LAYN: variants seen among roughly 807,000 people sequenced by gnomAD.
LAYN encodes the protein layilin.
Under a neutral mutation model 43.6 loss-of-function variants are expected in LAYN, and 38 were observed. That is an observed-to-expected ratio of 0.87 (90% CI 0.67 to 1.14). LAYN has a LOEUF of 1.14. LAYN is among the 50% of genes most tolerant of loss of function. The pLI, the probability that LAYN is intolerant of heterozygous loss-of-function variation, is 0.00. For synonymous variants in LAYN, 168 were observed against 172.9 expected, an observed-to-expected ratio of 0.97 and a Z score of 0.22; for missense variants, 479 against 463.8, an observed-to-expected ratio of 1.03 and a Z score of -0.30.
In LAYN at chr11:111,549,777, T is replaced by C; in HGVS notation, c.541+2T>C. The C allele has an allele frequency of 6.2e-7, 1 of 1,600,372 alleles. No individual in the cohort carries two copies. Among genetic ancestry groups the C allele is most frequent in the Non-Finnish European group, 8.5e-7 (1 of 1,174,742 alleles). On this transcript the variant is annotated splice_donor_variant, in intron 3 of 6. Coordinates refer to ENST00000375614, the MANE Select transcript of LAYN (RefSeq NM_178834.5). LOFTEE classifies it high-confidence loss of function. Reference sequence around the variant, plus strand: ...ATTTCATTTGCAAATATTCTGATGGTAATGAATCCTCTCCCAAGCTATGCG... The same window carrying C: ...ATTTCATTTGCAAATATTCTGATGGCAATGAATCCTCTCCCAAGCTATGCG...
At chr11:111,550,814 C>G (rs977888991) in intron 3 of LAYN, among the ~76,000 whole-genome samples, 1 of 152,142 alleles carries the variant, frequency 6.6e-6, no homozygotes, top group African/African-American at 2.4e-5. Flanking sequence ...TAATTATATT[C>G]TATTATTAAT....
At chr11:111,540,999 C>T (rs1276618441) in intron 1 of LAYN, 71 bp downstream of exon 1, 5 of 1,411,968 alleles carry the variant, frequency 3.5e-6, no homozygotes, top group Non-Finnish European at 3.8e-6. Flanking sequence ...TGCTGACCCT[C>T]TTCTGGGTCG....
rs1867581494 is a variant in LAYN at position 111,543,298 on chromosome 11, TA to T, written c.86-622del. On this transcript the variant is annotated intron_variant, in intron 1 of 6. Coordinates refer to ENST00000375614, the MANE Select transcript of LAYN (RefSeq NM_178834.5). ...GGTTACATGAGATAAAGTATGTAAG[TA>T]AATGTTAAGCCCTTACCATAGTTTA... 2.0e-5 allele frequency among the ~76,000 whole-genome samples: 3 copies of T among 152,328 alleles called. No homozygotes were observed. The East Asian group carries it at 5.8e-4, about 29-fold the overall frequency.
At chr11:111,544,484 C>G (rs1317358429) in intron 2 of LAYN, among the ~76,000 whole-genome samples, 1 of 152,204 alleles carries the variant, frequency 6.6e-6, no homozygotes, top group Non-Finnish European at 1.5e-5. Context: ...TGCTTGAAGC[C>G]AGTTGTTCTG....
chr11:111,558,605 T>G (rs1391169466), intron 6 of LAYN, among the ~76,000 whole-genome samples: 1 of 152,072 alleles, frequency 6.6e-6, no homozygotes, highest in Non-Finnish European at 1.5e-5. Context: ...GGTTCTTGAT[T>G]TCCTTTCCTG....
intron 3 of LAYN, among the ~76,000 whole-genome samples, chr11:111,553,817 C>A (rs1030763819): frequency 6.6e-6 from 1 of 151,268 alleles, no homozygotes; most frequent in Non-Finnish European, 1.5e-5. Flanking sequence ...GGCTTGACAT[C>A]CTGGCCTTAA....
At chr11:111,557,720 A>G (rs1202720131) in intron 6 of LAYN, 77 bp downstream of exon 6, 3 of 1,183,932 alleles carry the variant, frequency 2.5e-6, no homozygotes, top group African/African-American at 3.0e-5. Flanking sequence ...TGTTTACTTC[A>G]TTAAAACCCA....
At position 111,546,853 on chromosome 11, in the gene LAYN, G is replaced by C. The variant is rs545041750; in HGVS notation, c.383+2633G>C. The stretch of plus-strand genomic sequence containing the variant: ...GGTGACTAATTTTCAGCTACAGATG[G>C]TATGGCCTTGCTTCAAAATCCTATG... On this transcript the variant is annotated intron_variant, in intron 2 of 6. Transcript: ENST00000375614. 2.6e-5 allele frequency among the ~76,000 whole-genome samples: 4 copies of C among 152,286 alleles called. No individual in the cohort carries two copies. The East Asian group carries it at 7.7e-4, about 29-fold the overall frequency.
chr11:111,557,622 G>A lies in LAYN; in HGVS notation c.740G>A (p.Trp247Ter). Reference protein sequence around the residue: ...LLLVVTTVVCWVWICRKRKRE... With the variant: ...LLLVVTTVVC ...CTTGTGGTCACCACAGTTGTATGTT[G>A]GGTTTGGATCTGTAGAAAAAGGCAA... The change falls in exon 6 of 7, where the codon TGG becomes TAG. Residue 247 changes from tryptophan (W) to a stop codon, truncating the protein, a stop_gained. Transcript: ENST00000375614. LOFTEE classifies it high-confidence loss of function. 2 of 1,613,930 alleles carry A rather than the reference G, an allele frequency of 1.2e-6. No individual in the cohort carries two copies. The highest frequency in any genetic ancestry group is 1.7e-6 in the Non-Finnish European group (2 of 1,179,826).
chr11:111,559,051 G>A (rs1331276064), intron 6 of LAYN, among the ~76,000 whole-genome samples: 1 of 151,986 alleles, frequency 6.6e-6, no homozygotes, highest in East Asian at 1.9e-4. Flanking sequence ...TGCCCTAAGT[G>A]CTAGGATTAC....
intron 1 of LAYN, among the ~76,000 whole-genome samples, chr11:111,542,842 G>A (rs1293321424): frequency 6.6e-6 from 1 of 152,226 alleles, no homozygotes; most frequent in Non-Finnish European, 1.5e-5. Flanking sequence ...CTCGCACAGT[G>A]CCAGGCACAA....
At position 111,557,361 on chromosome 11, in the gene LAYN, T is replaced by C. The variant is rs541552194; in HGVS notation, c.659-180T>C. On this transcript the variant is annotated intron_variant, in intron 5 of 6. Transcript: ENST00000375614. ...GTCTTGATCACTCAGGAATGAGCTC[T>C]TTGGAATACTCTGTGTTGATTAGCC... is the stretch of plus-strand genomic sequence containing the variant. Among the ~76,000 whole-genome samples, 9 of 152,346 alleles carry C rather than the reference T, an allele frequency of 5.9e-5. No homozygotes were observed. In the South Asian group the frequency reaches 1.9e-3, roughly 32 times the overall value.
intron 1 of LAYN, 69 bp from the exon 2 acceptor site, chr11:111,543,854 G>T (rs1867592525): frequency 6.9e-7 from 1 of 1,439,894 alleles, no homozygotes; most frequent in East Asian, 2.3e-5. Flanking sequence ...TCCTTTGGAT[G>T]CCTCCACGTA....
intron 1 of LAYN, 22 bp from the exon 2 acceptor site, chr11:111,543,901 G>A (rs1183405000): frequency 4.4e-6 from 7 of 1,589,856 alleles, no homozygotes; most frequent in South Asian, 1.2e-5. Flanking sequence ...CACTGAAATA[G>A]ATTGGCTTCT....
chr11:111,544,647 C>T (rs1342273135), intron 2 of LAYN, among the ~76,000 whole-genome samples: 1 of 152,092 alleles, frequency 6.6e-6, no homozygotes, highest in Non-Finnish European at 1.5e-5. Context: ...AAGTGGGGAC[C>T]TCAGGAAGCC....
Position 111,540,785 on chromosome 11 carries a change from C to A in LAYN, c.-59C>A. The A allele has an allele frequency of 2.0e-6, 3 of 1,480,046 alleles. No individual in the cohort carries two copies. The highest frequency in any genetic ancestry group is 2.7e-5 in the East Asian group (1 of 37,280). The allele number at this position is 1,480,046 out of a possible 1,614,324, so 91.7% of individuals were successfully genotyped here. On this transcript the variant is annotated 5_prime_UTR_variant, in exon 1 of 7. Coordinates refer to ENST00000375614, the MANE Select transcript of LAYN (RefSeq NM_178834.5). ...TGCAGTTGTCGCGCACGCCTCTGCC[C>A]GCCAGCCCGCTCCACCGCCGTAGCG...
At chr11:111,550,066 C>T (rs1034277596) in intron 3 of LAYN, among the ~76,000 whole-genome samples, 3 of 152,194 alleles carry the variant, frequency 2.0e-5, no homozygotes, top group African/African-American at 4.8e-5. Flanking sequence ...GAAATAAGCC[C>T]TTTAAGTGGA....
At chr11:111,546,784 T>C (rs1381268242) in intron 2 of LAYN, among the ~76,000 whole-genome samples, 1 of 152,212 alleles carries the variant, frequency 6.6e-6, no homozygotes, top group Non-Finnish European at 1.5e-5. Context: ...TCATGGTCTC[T>C]GGTGCTCCTT....
intron 3 of LAYN, among the ~76,000 whole-genome samples, chr11:111,552,403 A>C (rs181064383): frequency 6.6e-6 from 1 of 152,300 alleles, no homozygotes; most frequent in East Asian, 1.9e-4. Context: ...GGGCTGGGGA[A>C]GCTCACTCCT....
Sources: gnomAD v4.1 joint callset for allele counts (sites outside exome capture counted in the v4.1 genomes callset) on GRCh38, gnomAD v4.1.1 for gene constraint, MANE v1.5 for transcripts, NCBI Gene and HGNC (gene_info 2026-07-23, HGNC 2026-07-21) for gene names.